The following ZFYVE16 variants were observed in gnomAD, a reference collection of about 807,000 sequenced individuals.
ZFYVE16 encodes the protein zinc finger FYVE-type containing 16.
ZFYVE16 carries 89 observed loss-of-function variants against 138.1 expected under a neutral mutation model. The observed-to-expected ratio is 0.64, with a 90% CI of 0.54 to 0.77. The LOEUF is 0.77. Among genes scored for constraint, ZFYVE16 ranks in the 30% least tolerant of loss-of-function variants. The pLI is 0.00. For synonymous variants in ZFYVE16, 596 were observed against 618.3 expected, an observed-to-expected ratio of 0.96 and a Z score of 0.53; for missense variants, 1,793 against 1,786.7, an observed-to-expected ratio of 1.00 and a Z score of -0.06.
intron 2 of ZFYVE16, among the ~76,000 whole-genome samples, chr5:80,431,511 C>A (rs1380646692): frequency 6.6e-6 from 1 of 152,124 alleles, no homozygotes; most frequent in Non-Finnish European, 1.5e-5. Flanking sequence ...TGGAAGCATT[C>A]CCTTTGAAAA....
At chr5:80,447,838 T>C (rs148995766) in intron 7 of ZFYVE16, among the ~76,000 whole-genome samples, 188 bp from the exon 8 acceptor site, 5 of 152,346 alleles carry the variant, frequency 3.3e-5, no homozygotes, top group African/African-American at 1.2e-4. Context: ...TAATTCCTTA[T>C]GCTCCTGAAT....
chr5:80,481,286 T>G lies in ZFYVE16; in HGVS notation c.*3909T>G, dbSNP rs1755260950. ...TGACTTTCTAGCCAAAAACCAAGAA[T>G]GGGGTTCTAGAAACCAGAGTATAGG... On this transcript the variant is annotated 3_prime_UTR_variant, in exon 19 of 19. Coordinates refer to ENST00000505560, the MANE Select transcript of ZFYVE16 (RefSeq NM_001284236.3). Among the ~76,000 whole-genome samples the G allele has an allele frequency of 6.6e-6, 1 of 152,090 alleles. No individual in the cohort carries two copies. Among genetic ancestry groups the G allele is most frequent in the Non-Finnish European group, 1.5e-5 (1 of 68,000 alleles).
intron 16 of ZFYVE16, 130 bp from the exon 17 acceptor site, chr5:80,473,624 A>T (rs1754598397): frequency 1.8e-6 from 1 of 569,942 alleles, no homozygotes; most frequent in Admixed American, 3.6e-5. Flanking sequence ...CTACAGATTT[A>T]GTTATTTTGT....
At chr5:80,469,159 G>A (rs1754045165) in intron 15 of ZFYVE16, among the ~76,000 whole-genome samples, 1 of 148,896 alleles carries the variant, frequency 6.7e-6, no homozygotes, top group Admixed American at 6.8e-5. Context: ...CGGGAGTGCA[G>A]TGGCATGATC....
chr5:80,443,058 A>C, intron 5 of ZFYVE16, 65 bp from the exon 6 acceptor site: 2 of 1,379,548 alleles, frequency 1.4e-6, no homozygotes, highest in Non-Finnish European at 9.6e-7. Flanking sequence ...TATTTATTGT[A>C]ATTTACTTTG....
At chr5:80,470,372 A>G (rs1003255119) in intron 15 of ZFYVE16, among the ~76,000 whole-genome samples, 4 of 151,998 alleles carry the variant, frequency 2.6e-5, no homozygotes, top group African/African-American at 9.7e-5. Context: ...AAGTGCTGGG[A>G]TTACAGGCAT....
intron 5 of ZFYVE16, chr5:80,441,785 A>C (rs1306263677): frequency 1.0e-6 from 1 of 985,296 alleles, no homozygotes; most frequent in African/African-American, 1.7e-5. Flanking sequence ...CCATTTTATG[A>C]GTGCCATCAT....
intron 16 of ZFYVE16, 149 bp downstream of exon 16, chr5:80,473,072 T>C: frequency 1.2e-6 from 1 of 834,114 alleles, no homozygotes; most frequent in Admixed American, 3.2e-5. Flanking sequence ...AATGCAATCT[T>C]TTTCAAACAT....
chr5:80,450,614 G>A lies in ZFYVE16; in HGVS notation c.3382+28G>A, dbSNP rs768096125. 3.1e-6 allele frequency: 5 copies of A among 1,599,578 alleles called. No individual in the cohort carries two copies. The South Asian group carries it at 5.6e-5, about 18-fold the overall frequency. The stretch of plus-strand genomic sequence containing the variant: ...ATGGCATTTTATTTTGAACTGTTCA[G>A]ACTGGGGAATGGATAAATTAGTTAA... On this transcript the variant is annotated intron_variant, in intron 10 of 18. Transcript: ENST00000505560.
At chr5:80,470,221 C>T (rs1754231036) in intron 15 of ZFYVE16, among the ~76,000 whole-genome samples, 1 of 150,966 alleles carries the variant, frequency 6.6e-6, no homozygotes, top group Non-Finnish European at 1.5e-5. Flanking sequence ...CCTGCCTCAG[C>T]CTCCCGAGTA....
At position 80,437,193 on chromosome 5, in the gene ZFYVE16, T is replaced by A; in HGVS notation, c.508T>A (p.Ser170Thr). The change falls in exon 4 of 19, where the codon TCA (serine) becomes ACA (threonine). Residue 170 changes from serine (S) to threonine (T), a missense_variant. Physicochemically the swap from Ser to Thr is moderately conservative, Grantham distance 58. Coordinates refer to ENST00000505560, the MANE Select transcript of ZFYVE16 (RefSeq NM_001284236.3). The part of the protein sequence containing the change: ...SLIGLDLSSV[S>T]DTPCVSSTDH... Reference sequence around the variant, plus strand: ...GATTGGATTGGATTTATCTTCAGTGTCAGATACTCCCTGTGTTTCTTCAAC... The same window carrying A: ...GATTGGATTGGATTTATCTTCAGTGACAGATACTCCCTGTGTTTCTTCAAC... 1 of 1,614,058 alleles carries A rather than the reference T, an allele frequency of 6.2e-7. No individual in the cohort carries two copies. Among genetic ancestry groups the A allele is most frequent in the Non-Finnish European group, 8.5e-7 (1 of 1,180,002 alleles).
chr5:80,415,316 A>G (rs2112161863), intron 1 of ZFYVE16, among the ~76,000 whole-genome samples: 1 of 152,334 alleles, frequency 6.6e-6, no homozygotes, highest in East Asian at 1.9e-4. Flanking sequence ...TACATTTGTT[A>G]TAATTAGTGA....
chr5:80,461,037 A>T (rs1753052408), intron 15 of ZFYVE16, among the ~76,000 whole-genome samples: 1 of 152,192 alleles, frequency 6.6e-6, no homozygotes, highest in Non-Finnish European at 1.5e-5. Context: ...TTAGAAACAT[A>T]ACCACAAAAC....
At chr5:80,411,770 C>T (rs938402796) in intron 1 of ZFYVE16, 1 of 152,196 alleles carries the variant, frequency 6.6e-6, no homozygotes, top group African/African-American at 2.4e-5. Context: ...AGGATGTTCT[C>T]AAGGTACTTC....
At chr5:80,441,139 G>T in intron 5 of ZFYVE16, 2 of 985,358 alleles carry the variant, frequency 2.0e-6, no homozygotes, top group Non-Finnish European at 2.4e-6. Context: ...GTTAGCCAAG[G>T]CAATCTGCTA....
intron 18 of ZFYVE16, among the ~76,000 whole-genome samples, chr5:80,475,280 T>G (rs1754787227): frequency 6.6e-6 from 1 of 152,252 alleles, no homozygotes. Context: ...TGTACATGAT[T>G]TAAAATCTTA....
At chr5:80,433,083 C>G (rs1749325937) in intron 2 of ZFYVE16, among the ~76,000 whole-genome samples, 1 of 152,196 alleles carries the variant, frequency 6.6e-6, no homozygotes, top group Non-Finnish European at 1.5e-5. Context: ...CATCCCATTA[C>G]TGGGTATATA....
chr5:80,453,680 G>A (rs145212654), intron 11 of ZFYVE16, among the ~76,000 whole-genome samples: 16 of 152,140 alleles, frequency 1.1e-4, no homozygotes, highest in Non-Finnish European at 2.1e-4. Flanking sequence ...CATTGTTGGT[G>A]CCCATGTCTT....
chr5:80,412,007 G>T (rs938470935), intron 1 of ZFYVE16, among the ~76,000 whole-genome samples: 1 of 152,016 alleles, frequency 6.6e-6, no homozygotes, highest in Non-Finnish European at 1.5e-5. Context: ...TGTCCAGGCT[G>T]GTCTCAAATT....
Sources: allele counts gnomAD v4.1 joint callset (sites outside exome capture counted in the v4.1 genomes callset), GRCh38; gene constraint gnomAD v4.1.1; transcripts MANE v1.5; gene names NCBI Gene and HGNC (gene_info 2026-07-23, HGNC 2026-07-21).